STXBP4: variants seen among roughly 807,000 people sequenced by gnomAD.
STXBP4 encodes the protein syntaxin-binding protein 4.
Under a neutral mutation model 76.1 loss-of-function variants are expected in STXBP4, and 55 were observed. The observed-to-expected ratio is 0.72, with a 90% CI of 0.58 to 0.91. The LOEUF (loss-of-function observed/expected upper bound fraction) is 0.91, where lower values mean the gene tolerates loss of function less well. STXBP4 is among the 40% of genes least tolerant of loss of function. The probability of loss-of-function intolerance (pLI) is 0.00; values close to 1 mark genes in which losing one functional copy is unlikely to be tolerated. For synonymous variants in STXBP4, 201 were observed against 220.2 expected (o/e 0.91, Z 0.77); for missense variants, 618 against 636.9 (o/e 0.97, Z 0.32).
At chr17:55,179,214 G>A in the STXBP4 span, among the ~76,000 whole-genome samples, 1 of 152,038 alleles carries the variant, frequency 6.6e-6, no homozygotes, top group African/African-American at 2.4e-5. Flanking sequence ...CATGGCAAGA[G>A]TTACTACCAC....
chr17:55,009,671 T>A (rs1256568467), intron 8 of STXBP4, among the ~76,000 whole-genome samples: 1 of 152,180 alleles, frequency 6.6e-6, no homozygotes, highest in Non-Finnish European at 1.5e-5. Context: ...ACATTTGATA[T>A]AAATTCAGCC....
At chr17:55,141,488 G>C in intron 17 of STXBP4, 121 bp downstream of exon 17, 3 of 710,236 alleles carry the variant, frequency 4.2e-6, no homozygotes, top group Non-Finnish European at 6.7e-6. Flanking sequence ...TTAGTAACAA[G>C]AAATGAAGCC....
At chr17:55,184,055 G>C in the STXBP4 span, among the ~76,000 whole-genome samples, 1 of 151,872 alleles carries the variant, frequency 6.6e-6, no homozygotes, top group African/African-American at 2.4e-5. Flanking sequence ...ACATGAAGTA[G>C]TTATAAAACT....
At position 55,167,601 on chromosome 17, in the gene STXBP4, C is replaced by T. The variant is rs2080383080; in HGVS notation, c.*7690C>T. ...TGCCCAAGGTTCTGAAGAAATACCA[C>T]AGAATGATTTTGGTATAGAAGGGTA... On this transcript the variant is annotated 3_prime_UTR_variant, in exon 18 of 18. Transcript: ENST00000376352. The T allele has an allele frequency of 6.6e-6, 1 of 152,166 alleles. No individual in the cohort carries two copies. The highest frequency in any genetic ancestry group is 2.4e-5 in the African/African-American group (1 of 41,426). 9.4% of individuals were successfully genotyped at this position (152,166 alleles called of 1,614,324 possible).
intron 8 of STXBP4, among the ~76,000 whole-genome samples, chr17:55,027,503 C>T (rs554378275): frequency 6.6e-6 from 1 of 152,280 alleles, no homozygotes; most frequent in East Asian, 1.9e-4. Flanking sequence ...AAATCTCAGA[C>T]TTCACCATTA....
chr17:55,138,236 T>C (rs2080057122), intron 16 of STXBP4, among the ~76,000 whole-genome samples: 1 of 152,092 alleles, frequency 6.6e-6, no homozygotes, highest in Non-Finnish European at 1.5e-5. Flanking sequence ...TGTTTATCAC[T>C]GTATATTGAA....
intron 8 of STXBP4, among the ~76,000 whole-genome samples, chr17:55,019,080 A>G (rs2078258999): frequency 6.6e-6 from 1 of 152,206 alleles, no homozygotes; most frequent in African/African-American, 2.4e-5. Flanking sequence ...AGTTTTCTCA[A>G]TTGTCATTCC....
chr17:55,123,411 T>C (rs1258410171), intron 16 of STXBP4, among the ~76,000 whole-genome samples: 1 of 152,218 alleles, frequency 6.6e-6, no homozygotes, highest in Non-Finnish European at 1.5e-5. Context: ...CAGAAATTAC[T>C]ATCACTGGTC....
intron 14 of STXBP4, among the ~76,000 whole-genome samples, 169 bp downstream of exon 14, chr17:55,078,363 ACATTTT>A (rs1338332939): frequency 2.6e-5 from 4 of 152,212 alleles, no homozygotes; most frequent in African/African-American, 9.6e-5. Context: ...AGACTGGCTA[ACATTTT>A]ATAGATTGTT....
the STXBP4 span, among the ~76,000 whole-genome samples, chr17:55,207,682 T>G: frequency 6.6e-6 from 1 of 152,246 alleles, no homozygotes. Flanking sequence ...ACGGGGACCC[T>G]TATCACCAAT....
chr17:55,146,728 A>G (rs994208499), intron 17 of STXBP4, among the ~76,000 whole-genome samples: 3 of 66,282 alleles, frequency 4.5e-5, no homozygotes, highest in African/African-American at 1.6e-4. Flanking sequence ...AAAAAAAAGA[A>G]AAAAAAAAAA....
At chr17:55,121,645 T>A (rs190990832) in intron 16 of STXBP4, among the ~76,000 whole-genome samples, 63 of 152,282 alleles carry the variant, frequency 4.1e-4, no homozygotes, top group Non-Finnish European at 7.5e-4. Context: ...AGACTTGGTG[T>A]TTTGCCCTAG....
chr17:55,159,412 A>G (rs1007568374), intron 17 of STXBP4, among the ~76,000 whole-genome samples: 9 of 152,208 alleles, frequency 5.9e-5, no homozygotes, highest in Non-Finnish European at 8.8e-5. Flanking sequence ...TTAGAAAAGA[A>G]CTAGAGCAGA....
At position 55,130,654 on chromosome 17, in the gene STXBP4, T is replaced by G. The variant is rs549880869; in HGVS notation, c.1490-10656T>G. ...CCTATGTAACTGAAACTTTGTACCT[T>G]TGACCAACATTTCCCCTTTCCCTGT... On this transcript the variant is annotated intron_variant, in intron 16 of 17. Transcript: ENST00000376352. Among the ~76,000 whole-genome samples the G allele has an allele frequency of 3.3e-5, 5 of 152,324 alleles. No individual in the cohort carries two copies. In the South Asian group the frequency reaches 6.2e-4, roughly 19 times the overall value.
chr17:54,990,224 C>G (rs2077692722), intron 3 of STXBP4, among the ~76,000 whole-genome samples: 1 of 152,122 alleles, frequency 6.6e-6, no homozygotes, highest in African/African-American at 2.4e-5. Flanking sequence ...TTTGGGTTGT[C>G]TAGATCAGAG....
chr17:55,017,599 G>A (rs954429518), intron 8 of STXBP4, among the ~76,000 whole-genome samples: 1 of 152,214 alleles, frequency 6.6e-6, no homozygotes, highest in Admixed American at 6.5e-5. Flanking sequence ...GGACCCAGGA[G>A]GTATGGGTTA....
At chr17:55,159,626 T>C (rs908941127) in intron 17 of STXBP4, among the ~76,000 whole-genome samples, 171 bp from the exon 18 acceptor site, 2 of 152,234 alleles carry the variant, frequency 1.3e-5, no homozygotes, top group African/African-American at 4.8e-5. Flanking sequence ...ATGGTTTTCA[T>C]TGAAGCTTAA....
At chr17:55,123,618 G>A (rs2079871606) in intron 16 of STXBP4, among the ~76,000 whole-genome samples, 1 of 152,040 alleles carries the variant, frequency 6.6e-6, no homozygotes, top group Non-Finnish European at 1.5e-5. Context: ...AGAATAGGAT[G>A]GGCCAGGTGC....
rs2079696418 is a variant in STXBP4 at position 55,110,280 on chromosome 17, T to A, written c.1489+29097T>A. On this transcript the variant is annotated intron_variant, in intron 16 of 17. Transcript: ENST00000376352. ...ATAATCTATTCTTAAGTCAACTGAC[T>A]AGCAACTATCTACAACCTTAATTTT... Among the ~76,000 whole-genome samples the A allele has an allele frequency of 5.9e-5, 9 of 152,366 alleles. No homozygotes were observed. In the South Asian group the frequency reaches 1.9e-3, roughly 32 times the overall value.
Sources: allele counts gnomAD v4.1 joint callset (sites outside exome capture counted in the v4.1 genomes callset), GRCh38; gene constraint gnomAD v4.1.1; transcripts MANE v1.5; gene names NCBI Gene and HGNC (gene_info 2026-07-23, HGNC 2026-07-21).